The following IQSEC1 variants were observed in gnomAD, a reference collection of about 807,000 sequenced individuals.
IQSEC1 encodes the protein IQ motif and Sec7 domain ArfGEF 1, also known as IQ motif and SEC7 domain-containing protein 1.
Under a neutral mutation model 91.0 loss-of-function variants are expected in IQSEC1, and 31 were observed. That is an observed-to-expected ratio of 0.34 (90% confidence interval 0.26 to 0.46). The LOEUF is 0.46. Ranked by LOEUF, IQSEC1 falls within the 20% of genes least tolerant of loss-of-function variation. IQSEC1 has a pLI of 1.00. For synonymous variants in IQSEC1, 699 were observed against 662.6 expected, an observed-to-expected ratio of 1.05 and a Z score of -0.84; for missense variants, 1,388 against 1,575.6, an observed-to-expected ratio of 0.88 and a Z score of 2.02.
chr3:13,032,492 T>C (rs955805855), intron 1 of IQSEC1, among the ~76,000 whole-genome samples: 2 of 152,180 alleles, frequency 1.3e-5, no homozygotes, highest in African/African-American at 4.8e-5. Context: ...CCAGGTTGGA[T>C]CCTGACACGG....
At chr3:12,972,503 C>T (rs1433705310) in intron 1 of IQSEC1, among the ~76,000 whole-genome samples, 1 of 152,224 alleles carries the variant, frequency 6.6e-6, no homozygotes, top group Non-Finnish European at 1.5e-5. Context: ...CCACAAAAAT[C>T]GATAAGACTG....
intron 1 of IQSEC1, among the ~76,000 whole-genome samples, chr3:13,174,843 C>A (rs1318970897): frequency 7.9e-5 from 12 of 151,334 alleles, no homozygotes; most frequent in Admixed American, 2.0e-4. Flanking sequence ...TCCCCCCCCC[C>A]ACCTCCTCCC....
At chr3:13,249,593 G>A (rs1487619448) in intron 1 of IQSEC1, among the ~76,000 whole-genome samples, 1 of 152,060 alleles carries the variant, frequency 6.6e-6, no homozygotes, top group African/African-American at 2.4e-5. Context: ...GAACCAATAC[G>A]GAGCTGTTAT....
intron 2 of IQSEC1, among the ~76,000 whole-genome samples, chr3:13,093,122 T>TCCTGCC (rs1236729130): frequency 1.3e-5 from 2 of 150,496 alleles, no homozygotes; most frequent in African/African-American, 4.9e-5. Context: ...TCCACACAGG[T>TCCTGCC]CCTGCCCCTG....
At chr3:12,956,803 T>A (rs958027555) in intron 1 of IQSEC1, among the ~76,000 whole-genome samples, 3 of 152,196 alleles carry the variant, frequency 2.0e-5, no homozygotes. Flanking sequence ...ACAGCTCCCC[T>A]ACTTCCAGGC....
Position 12,935,617 on chromosome 3 carries a change from C to A in IQSEC1, c.1399G>T (p.Asp467Tyr). The A allele has an allele frequency of 6.2e-7, 1 of 1,614,116 alleles. No individual in the cohort carries two copies. The highest frequency in any genetic ancestry group is 8.5e-7 in the Non-Finnish European group (1 of 1,180,030). The part of the protein sequence containing the change: ...DSINSTSNSN[D>Y]TINCSSESSS... ...GACTCGGAGCTGCAGTTGATGGTAT[C>A]GTTGGAGTTGGACGTGCTGTTGATG... The change falls in exon 3 of 14, where the codon GAT becomes TAT. Residue 467 changes from aspartate to tyrosine, a missense_variant. Transcript: ENST00000613206. This position sits in a 1 kb window ranked among gnomAD's most constrained non-coding sequence, Gnocchi z 8.0.
intron 1 of IQSEC1, among the ~76,000 whole-genome samples, chr3:13,019,029 C>T (rs1222298368): frequency 3.3e-5 from 5 of 152,242 alleles, no homozygotes; most frequent in African/African-American, 1.2e-4. Flanking sequence ...CAACAGAACC[C>T]AGTGATGACC....
intron 1 of IQSEC1, among the ~76,000 whole-genome samples, chr3:12,998,825 C>T (rs1017902401): frequency 2.0e-5 from 3 of 152,002 alleles, no homozygotes; most frequent in Admixed American, 2.0e-4. Flanking sequence ...TGGAGAGCTG[C>T]CTGCTACACT....
intron 4 of IQSEC1, among the ~76,000 whole-genome samples, chr3:12,923,900 C>A (rs1201684021): frequency 6.6e-6 from 1 of 152,238 alleles, no homozygotes; most frequent in Admixed American, 6.5e-5. Flanking sequence ...CCTTCTGGCT[C>A]AGGGAGTTGG....
At chr3:12,982,206 G>A (rs1354630258) in intron 1 of IQSEC1, among the ~76,000 whole-genome samples, 1 of 152,076 alleles carries the variant, frequency 6.6e-6, no homozygotes, top group Non-Finnish European at 1.5e-5. Flanking sequence ...TTGTCCTTTA[G>A]CATTTTATCA....
rs375218433 is a variant in IQSEC1, at chr3:12,967,001, T to G, written c.24-25136A>C. On this transcript the variant is annotated intron_variant, in intron 1 of 13. Coordinates refer to ENST00000613206, the MANE Select transcript of IQSEC1 (RefSeq NM_001134382.3). The surrounding 1 kb of genome is among the most constrained non-coding windows in gnomAD (Gnocchi z 5.9). ...CCCACCAACTCTCCGCTCTCCCTCC[T>G]GCCCCTCACCTCACACCCACACCGA... Among the ~76,000 whole-genome samples, 20 of 152,066 alleles carry G rather than the reference T, an allele frequency of 1.3e-4. No homozygotes were observed. The South Asian group carries it at 4.2e-3, about 32-fold the overall frequency.
rs943098525 is a variant in IQSEC1 at position 13,103,515 on chromosome 3, C to T, written c.303-55993G>A. Reference sequence around the variant, plus strand: ...CCTGGATGCCATCCACACCTGTCCCCGAGGAAGGGGCTGGGCCCTTCACCA... The same window carrying T: ...CCTGGATGCCATCCACACCTGTCCCTGAGGAAGGGGCTGGGCCCTTCACCA... On this transcript the variant is annotated intron_variant, in intron 2 of 15. Coordinates refer to the IQSEC1 transcript ENST00000648114. This position sits in a 1 kb window ranked among gnomAD's most constrained non-coding sequence, Gnocchi z 4.1. Among the ~76,000 whole-genome samples the T allele has an allele frequency of 1.1e-4, 16 of 152,000 alleles. No individual in the cohort carries two copies. Among genetic ancestry groups the T allele is most frequent in the Non-Finnish European group, 2.4e-4 (16 of 68,012 alleles).
intron 3 of IQSEC1, among the ~76,000 whole-genome samples, chr3:12,934,631 T>C (rs1697997429): frequency 1.3e-5 from 2 of 151,694 alleles, no homozygotes. Flanking sequence ...GCCCAGGGAG[T>C]GGAAATAACG....
intron 3 of IQSEC1, among the ~76,000 whole-genome samples, chr3:12,929,097 A>G (rs1183091837): frequency 1.3e-5 from 2 of 152,216 alleles, no homozygotes; most frequent in Non-Finnish European, 1.5e-5. Context: ...TGGCTGGGAG[A>G]GTCAGAAGCC....
In IQSEC1 at chr3:13,117,569, C is replaced by CAAAAAAAAAAAAA. The variant is rs34002295; in HGVS notation, c.302+46522_302+46534dup. On this transcript the variant is annotated intron_variant, in intron 2 of 15. Coordinates refer to the IQSEC1 transcript ENST00000648114. ...CTGGTGACAGAGCAAGACTCCGTCT[C>CAAAAAAAAAAAAA]AAAAAAAAAAAAAAAAAAAAAAAAA... Among the ~76,000 whole-genome samples the CAAAAAAAAAAAAA allele has an allele frequency of 2.1e-4, 2 of 9,460 alleles. 1 individual carries two copies. The highest frequency in any genetic ancestry group is 8.5e-4 in the African/African-American group (2 of 2,350). The allele number at this position is 9,460 out of a possible 152,430, so 6.2% of individuals were successfully genotyped here. A position where few individuals can be genotyped will look rare whatever the true frequency, so the allele number is the denominator to read the frequency against.
rs148729479 is a variant in IQSEC1 at position 13,248,138 on chromosome 3, CA to C, written c.272+34572del. Among the ~76,000 whole-genome samples, 58 of 152,308 alleles carry C rather than the reference CA, an allele frequency of 3.8e-4. No homozygotes were observed. The East Asian group carries it at 0.01, about 26-fold the overall frequency. On this transcript the variant is annotated intron_variant, in intron 1 of 15. Transcript: ENST00000648114. The stretch of plus-strand genomic sequence containing the variant: ...CTGGGTTCTGAGACCTCCCAGACTG[CA>C]GGAAGGGCAAGCTCTGGGCTTGGAA...
Position 13,259,033 on chromosome 3 carries a change from T to C in IQSEC1, c.272+23678A>G, listed in dbSNP as rs182747725. Among the ~76,000 whole-genome samples the C allele has an allele frequency of 6.6e-6, 1 of 152,144 alleles. No individual in the cohort carries two copies. Among genetic ancestry groups the C allele is most frequent in the Non-Finnish European group, 1.5e-5 (1 of 68,036 alleles). The stretch of plus-strand genomic sequence containing the variant: ...GCACAGCCCCTACCCTCTTTCCCTA[T>C]AGTCTATCTCACACCATGGCCAGAG... On this transcript the variant is annotated intron_variant, in intron 1 of 15. Transcript: ENST00000648114. The surrounding 1 kb of genome is among the most constrained non-coding windows in gnomAD (Gnocchi z 4.6).
intron 1 of IQSEC1, among the ~76,000 whole-genome samples, chr3:12,968,122 A>C (rs1700727080): frequency 6.6e-6 from 1 of 151,840 alleles, no homozygotes; most frequent in Admixed American, 6.6e-5. Flanking sequence ...ACAGCGCCAA[A>C]CCCCCAACCA....
chr3:13,227,951 C>G (rs1694785464), intron 1 of IQSEC1, among the ~76,000 whole-genome samples: 1 of 152,148 alleles, frequency 6.6e-6, no homozygotes, highest in Admixed American at 6.5e-5. Context: ...CCGAGGACCC[C>G]CCACCATCCC....
Sources: allele counts gnomAD v4.1 joint callset (sites outside exome capture counted in the v4.1 genomes callset), GRCh38; gene constraint gnomAD v4.1.1; non-coding constraint Gnocchi (gnomAD v3.1); transcripts MANE v1.5; gene names NCBI Gene and HGNC (gene_info 2026-07-23, HGNC 2026-07-21).